ADIPOR2: variants seen among roughly 807,000 people sequenced by gnomAD.
ADIPOR2 encodes the protein adiponectin receptor 2, also known as adiponectin receptor protein 2.
In ADIPOR2, 18 loss-of-function variants were observed where a neutral mutation model predicts 40.9. The ratio of observed to expected loss-of-function variants is 0.44; its 90% CI spans 0.30 to 0.65. ADIPOR2 has a LOEUF of 0.65. ADIPOR2 is among the 30% of genes least tolerant of loss of function. The pLI is 0.09. For synonymous variants in ADIPOR2, 165 were observed against 166.4 expected (o/e 0.99, Z 0.06); for missense variants, 283 against 479.2 (o/e 0.59, Z 3.82).
chr12:1,780,683 G>A lies in ADIPOR2; in HGVS notation c.650+46G>A, dbSNP rs186366553. 3.8e-4 allele frequency: 556 copies of A among 1,472,444 alleles called. 4 individuals are homozygous for A. The African/African-American group carries it at 7.3e-3, about 19-fold the overall frequency. 91.2% of individuals were successfully genotyped at this position (1,472,444 alleles called of 1,614,324 possible). On this transcript the variant is annotated intron_variant, in intron 5 of 7. Transcript: ENST00000357103. ...TATTTTGGCCAATGATTTAGAGGTA[G>A]TGCGTTAGGGAAAAACATTCAGCAG...
At chr12:1,736,342 A>T (rs573653921) in intron 1 of ADIPOR2, among the ~76,000 whole-genome samples, 59 of 152,278 alleles carry the variant, frequency 3.9e-4, no homozygotes, top group African/African-American at 1.4e-3. Flanking sequence ...TGTGTCGAGG[A>T]ATTTATCCAT....
At position 1,754,523 on chromosome 12, in the gene ADIPOR2, A is replaced by C; in HGVS notation, c.171+9A>C. On this transcript the variant is annotated intron_variant, in intron 2 of 7. Transcript: ENST00000357103. ...CTTCCCATCATAAAAAAGTAAGTCA[A>C]ATTGGAAGAATGATAAACAAAGGAA... 6.3e-7 allele frequency: 1 copy of C among 1,592,362 alleles called. No individual in the cohort carries two copies. The highest frequency in any genetic ancestry group is 8.5e-7 in the Non-Finnish European group (1 of 1,170,468).
intron 1 of ADIPOR2, among the ~76,000 whole-genome samples, chr12:1,714,641 A>G (rs192508947): frequency 2.6e-5 from 4 of 152,030 alleles, no homozygotes; most frequent in African/African-American, 9.7e-5. Context: ...TCCAGTCCCC[A>G]TGATCTGAGT....
chr12:1,735,593 C>G (rs2094728708), intron 1 of ADIPOR2, among the ~76,000 whole-genome samples: 2 of 152,168 alleles, frequency 1.3e-5, no homozygotes, highest in South Asian at 4.1e-4. Flanking sequence ...TTATTTCCTT[C>G]TCCTGCCTAA....
chr12:1,777,303 C>T (rs1052076943), intron 3 of ADIPOR2, among the ~76,000 whole-genome samples: 2 of 151,792 alleles, frequency 1.3e-5, no homozygotes, highest in Non-Finnish European at 2.9e-5. Flanking sequence ...TTTGAAACCA[C>T]TCTTTTAGGG....
At chr12:1,702,264 G>T (rs2094651901) in intron 1 of ADIPOR2, among the ~76,000 whole-genome samples, 1 of 152,202 alleles carries the variant, frequency 6.6e-6, no homozygotes, top group Non-Finnish European at 1.5e-5. Context: ...ATTTCTGTGT[G>T]TATGTATGTG....
At chr12:1,768,882 A>G (rs965543279) in intron 2 of ADIPOR2, among the ~76,000 whole-genome samples, 2 of 152,218 alleles carry the variant, frequency 1.3e-5, no homozygotes, top group African/African-American at 2.4e-5. Flanking sequence ...ATTGACCTCT[A>G]CAAGTTTAAA....
chr12:1,749,832 GTT>G (rs57852014), intron 1 of ADIPOR2, among the ~76,000 whole-genome samples: 33,502 of 119,084 alleles, frequency 0.28, 3,576 homozygotes, highest in Admixed American at 0.42. Context: ...TATTTGTTTA[GTT>G]TTTTTTTTTT....
At chr12:1,757,906 G>A in intron 2 of ADIPOR2, 1 of 836,872 alleles carries the variant, frequency 1.2e-6, no homozygotes, top group Non-Finnish European at 2.1e-6. Context: ...CTCAACTTGT[G>A]GGGACTAGTG....
intron 2 of ADIPOR2, among the ~76,000 whole-genome samples, chr12:1,756,863 G>A (rs1419620180): frequency 1.3e-5 from 2 of 152,168 alleles, no homozygotes; most frequent in East Asian, 3.9e-4. Flanking sequence ...GCTGTAGAGT[G>A]AGGAAAATAG....
chr12:1,772,571 AAAAC>A (rs1303560312), intron 2 of ADIPOR2: 5 of 257,628 alleles, frequency 1.9e-5, no homozygotes, highest in Admixed American at 5.5e-5. Flanking sequence ...TAATTTTTAA[AAAAC>A]AAACCAGTAA....
At chr12:1,728,530 C>A (rs1336335066) in intron 1 of ADIPOR2, among the ~76,000 whole-genome samples, 2 of 151,266 alleles carry the variant, frequency 1.3e-5, no homozygotes, top group Non-Finnish European at 2.9e-5. Flanking sequence ...CCAGACCAGC[C>A]TGGCCAATAT....
At chr12:1,728,723 T>TA (rs971401701) in intron 1 of ADIPOR2, among the ~76,000 whole-genome samples, 74 of 151,228 alleles carry the variant, frequency 4.9e-4, no homozygotes, top group African/African-American at 1.7e-3. Context: ...GACTCCGTCT[T>TA]AAAAAAAACA....
intron 2 of ADIPOR2, chr12:1,757,148 C>G (rs1016915272): frequency 3.6e-6 from 1 of 275,014 alleles, no homozygotes; most frequent in South Asian, 8.0e-5. Context: ...ATTTGAGATT[C>G]ATAATGGCAA....
intron 2 of ADIPOR2, chr12:1,758,014 C>T (rs1302731485): frequency 6.0e-6 from 5 of 832,254 alleles, no homozygotes; most frequent in Non-Finnish European, 1.0e-5. Flanking sequence ...CGCGCCATGG[C>T]TGCGTTAGGC....
chr12:1,758,121 C>CTA, intron 2 of ADIPOR2: 1 of 490,084 alleles, frequency 2.0e-6, no homozygotes, highest in Non-Finnish European at 3.6e-6. Context: ...TGTTGTAATA[C>CTA]TATATATTTT....
intron 1 of ADIPOR2, among the ~76,000 whole-genome samples, chr12:1,738,714 C>A (rs1383370202): frequency 6.6e-6 from 1 of 152,136 alleles, no homozygotes; most frequent in Non-Finnish European, 1.5e-5. Context: ...ATCTTGTCAG[C>A]CTCACACATA....
chr12:1,723,660 C>T (rs1231182989), intron 1 of ADIPOR2, among the ~76,000 whole-genome samples: 1 of 149,316 alleles, frequency 6.7e-6, no homozygotes, highest in East Asian at 2.0e-4. Context: ...CAAAACAAAA[C>T]AAAACAACAA....
chr12:1,764,225 A>G (rs997634211), intron 2 of ADIPOR2, among the ~76,000 whole-genome samples: 12 of 152,280 alleles, frequency 7.9e-5, no homozygotes, highest in African/African-American at 2.9e-4. Context: ...CCCCGACACT[A>G]TATTAATACT....
Sources: allele counts gnomAD v4.1 joint callset (sites outside exome capture counted in the v4.1 genomes callset), GRCh38; gene constraint gnomAD v4.1.1; transcripts MANE v1.5; gene names NCBI Gene and HGNC (gene_info 2026-07-23, HGNC 2026-07-21).